The following CCDC171 variants were observed in gnomAD, a reference collection of about 807,000 sequenced individuals.
The protein encoded by CCDC171 is coiled-coil domain containing 171.
A neutral mutation model predicts 168.2 loss-of-function variants in CCDC171; 177 were observed. That is an observed-to-expected ratio of 1.05 (90% CI 0.93 to 1.19). The LOEUF (loss-of-function observed/expected upper bound fraction) is 1.19. Among genes scored for constraint, CCDC171 ranks in the 50% most tolerant of loss-of-function variants. The pLI is 0.00. For missense variants in CCDC171, 1,991 were observed against 1,539.0 expected (o/e 1.29, Z -4.91); for synonymous variants, 687 against 540.8 (o/e 1.27, Z -3.75).
At chr9:15,740,957 A>T (rs1431716789) in intron 16 of CCDC171, among the ~76,000 whole-genome samples, 1 of 152,178 alleles carries the variant, frequency 6.6e-6, no homozygotes, top group Non-Finnish European at 1.5e-5. Flanking sequence ...TGTGTCTTTC[A>T]ACCATATTTA....
At position 15,621,648 on chromosome 9, in the gene CCDC171, T is replaced by C. The variant is rs2044515754; in HGVS notation, c.676-1619T>C. On this transcript the variant is annotated intron_variant, in intron 6 of 25. Transcript: ENST00000380701. The stretch of plus-strand genomic sequence containing the variant: ...AAAATAACAGATGCTGGCGAGGTTG[T>C]GGAGAAAAGGGAACACTTATGCATT... 3.3e-5 allele frequency among the ~76,000 whole-genome samples: 5 copies of C among 152,182 alleles called. No homozygotes were observed. In the South Asian group the frequency reaches 1.0e-3, roughly 32 times the overall value.
chr9:15,791,825 C>G (rs1160239378), intron 21 of CCDC171, among the ~76,000 whole-genome samples: 1 of 152,136 alleles, frequency 6.6e-6, no homozygotes, highest in Admixed American at 6.6e-5. Context: ...CTCATATGTA[C>G]GTCACCATCA....
chr9:15,657,056 C>G, intron 7 of CCDC171, 71 bp from the exon 8 acceptor site: 1 of 758,128 alleles, frequency 1.3e-6, no homozygotes, highest in Middle Eastern at 4.1e-4. Flanking sequence ...AATTATAATG[C>G]TGGACTGTAG....
chr9:15,661,974 A>G (rs1195095692), intron 8 of CCDC171, among the ~76,000 whole-genome samples: 1 of 152,224 alleles, frequency 6.6e-6, no homozygotes, highest in Non-Finnish European at 1.5e-5. Context: ...CCCTTAGTTT[A>G]GTATAAGAAT....
chr9:16,051,615 A>T (rs1233003855), intron 1 of CCDC171, among the ~76,000 whole-genome samples: 1 of 152,302 alleles, frequency 6.6e-6, no homozygotes, highest in African/African-American at 2.4e-5. Context: ...AAATTCCTTT[A>T]TTAAACTTCA....
chr9:15,729,856 A>C, intron 16 of CCDC171, 58 bp downstream of exon 16: 2 of 1,452,280 alleles, frequency 1.4e-6, no homozygotes, highest in Non-Finnish European at 1.9e-6. Flanking sequence ...ACCATTAGAA[A>C]CTTTTTTTTT....
chr9:16,104,268 C>T, the CCDC171 span, among the ~76,000 whole-genome samples: 1 of 152,024 alleles, frequency 6.6e-6, no homozygotes, highest in Non-Finnish European at 1.5e-5. Flanking sequence ...GCTCCCCCTT[C>T]CCAGCTGCCT....
chr9:15,637,366 A>C (rs963297425), intron 7 of CCDC171, among the ~76,000 whole-genome samples: 3 of 151,958 alleles, frequency 2.0e-5, no homozygotes, highest in African/African-American at 7.2e-5. Context: ...TTTCTGTAAA[A>C]TACTTAATTT....
chr9:15,938,433 A>G, intron 25 of CCDC171, among the ~76,000 whole-genome samples: 1 of 152,076 alleles, frequency 6.6e-6, no homozygotes, highest in East Asian at 1.9e-4. Context: ...TCTACGAAAA[A>G]AAATCCTAAT....
intron 11 of CCDC171, among the ~76,000 whole-genome samples, chr9:15,711,395 C>G (rs932697359): frequency 6.6e-6 from 1 of 152,078 alleles, no homozygotes; most frequent in Non-Finnish European, 1.5e-5. Flanking sequence ...TTTTGTTTCT[C>G]AATTCATATC....
chr9:15,564,157 G>C (rs371438997), intron 2 of CCDC171, 28 bp downstream of exon 2: 151 of 1,570,370 alleles, frequency 9.6e-5, no homozygotes, highest in Non-Finnish European at 1.2e-4. Context: ...TCTTTTAGTT[G>C]ATGAACGTTT....
At chr9:15,723,139 T>G (rs985394608) in intron 12 of CCDC171, among the ~76,000 whole-genome samples, 1 of 152,110 alleles carries the variant, frequency 6.6e-6, no homozygotes, top group Admixed American at 6.6e-5. Context: ...GAAAGAAGAA[T>G]GAACTGTCAA....
chr9:15,722,885 A>G (rs1301662481), intron 12 of CCDC171, among the ~76,000 whole-genome samples: 1 of 152,196 alleles, frequency 6.6e-6, no homozygotes, highest in Non-Finnish European at 1.5e-5. Flanking sequence ...GACAACCTGT[A>G]TTGTTAGTAG....
At chr9:15,779,562 G>A (rs1293932917) in intron 20 of CCDC171, among the ~76,000 whole-genome samples, 1 of 152,060 alleles carries the variant, frequency 6.6e-6, no homozygotes, top group Non-Finnish European at 1.5e-5. Flanking sequence ...ATTTCTCCAT[G>A]TTGGCCGGGG....
intron 24 of CCDC171, among the ~76,000 whole-genome samples, chr9:15,892,394 G>A (rs190456303): frequency 1.1e-4 from 17 of 152,196 alleles, no homozygotes; most frequent in Admixed American, 2.6e-4. Context: ...CTAGTTTATT[G>A]TGAGTTTTTA....
chr9:15,972,128 A>G lies in CCDC171; in HGVS notation c.*292A>G. On this transcript the variant is annotated 3_prime_UTR_variant, in exon 26 of 26. Transcript: ENST00000380701. ...ATTTCCCTCAGACTTAAAAAAATCA[A>G]TAAGCCATTTTAGTCTCTATCTATC... 1 of 363,246 alleles carries G rather than the reference A, an allele frequency of 2.8e-6. No homozygotes were observed. Among genetic ancestry groups the G allele is most frequent in the Non-Finnish European group, 5.0e-6 (1 of 201,376 alleles). The allele number at this position is 363,246 out of a possible 1,614,324, so 22.5% of individuals were successfully genotyped here.
At chr9:15,892,090 G>A (rs562472578) in intron 24 of CCDC171, among the ~76,000 whole-genome samples, 4 of 152,270 alleles carry the variant, frequency 2.6e-5, no homozygotes, top group African/African-American at 2.4e-5. Flanking sequence ...ATTTTAAAAT[G>A]TTTTATTTCC....
intron 3 of CCDC171, among the ~76,000 whole-genome samples, chr9:15,574,305 T>C (rs1367429139): frequency 1.3e-5 from 2 of 152,004 alleles, no homozygotes; most frequent in African/African-American, 4.8e-5. Flanking sequence ...CCACTGTGCC[T>C]GGCTAATTTT....
intron 21 of CCDC171, among the ~76,000 whole-genome samples, chr9:15,810,562 G>A (rs1304368393): frequency 6.6e-6 from 1 of 152,196 alleles, no homozygotes; most frequent in Non-Finnish European, 1.5e-5. Flanking sequence ...GGAGGCGGCT[G>A]AGGCCCGGCG....
Sources: gnomAD v4.1 joint callset for allele counts (sites outside exome capture counted in the v4.1 genomes callset) on GRCh38, gnomAD v4.1.1 for gene constraint, MANE v1.5 for transcripts, NCBI Gene and HGNC (gene_info 2026-07-23, HGNC 2026-07-21) for gene names.